The following CNTNAP2 variants were observed in gnomAD, a reference collection of about 807,000 sequenced individuals.
CNTNAP2 encodes the protein contactin-associated protein-like 2.
Under a neutral mutation model 155.2 loss-of-function variants are expected in CNTNAP2, and 98 were observed. The ratio of observed to expected loss-of-function variants is 0.63; its 90% CI spans 0.54 to 0.75. The LOEUF is 0.75. Among genes scored for constraint, CNTNAP2 ranks in the 30% least tolerant of loss-of-function variants. CNTNAP2 has a pLI of 0.00. For missense variants in CNTNAP2, 1,727 were observed against 1,688.1 expected (o/e 1.02, Z -0.40); for synonymous variants, 651 against 631.2 (o/e 1.03, Z -0.47).
chr7:147,066,771 G>A (rs1799786875), intron 4 of CNTNAP2, among the ~76,000 whole-genome samples: 1 of 152,298 alleles, frequency 6.6e-6, no homozygotes, highest in East Asian at 1.9e-4. Flanking sequence ...AAGACCACAT[G>A]TTAGACTGTC....
chr7:148,034,594 T>A lies in CNTNAP2; in HGVS notation c.2383+56605T>A, dbSNP rs552275660. The stretch of plus-strand genomic sequence containing the variant: ...TTTATAAATTACCCAGTCTCAGGTA[T>A]TCTGTTACAGCAGCACAAAACAGAC... On this transcript the variant is annotated intron_variant, in intron 15 of 23. Coordinates refer to ENST00000361727, the MANE Select transcript of CNTNAP2 (RefSeq NM_014141.6). 1.4e-4 allele frequency among the ~76,000 whole-genome samples: 22 copies of A among 152,328 alleles called. No individual in the cohort carries two copies. In the South Asian group the frequency reaches 2.3e-3, roughly 16 times the overall value.
At chr7:146,794,816 A>G (rs1193437120) in intron 2 of CNTNAP2, among the ~76,000 whole-genome samples, 2 of 152,232 alleles carry the variant, frequency 1.3e-5, no homozygotes, top group African/African-American at 4.8e-5. Flanking sequence ...AATCTACTCT[A>G]AACACCATTT....
chr7:147,512,118 G>A (rs1044874917), intron 11 of CNTNAP2, among the ~76,000 whole-genome samples: 1 of 151,962 alleles, frequency 6.6e-6, no homozygotes, highest in African/African-American at 2.4e-5. Context: ...ATACAGCATG[G>A]GATCCCACCT....
intron 1 of CNTNAP2, among the ~76,000 whole-genome samples, chr7:146,175,089 T>C (rs1341181853): frequency 6.6e-6 from 1 of 152,098 alleles, no homozygotes; most frequent in Non-Finnish European, 1.5e-5. Flanking sequence ...AGCTATCGGC[T>C]GAAACCAGCT....
At chr7:148,374,458 A>G (rs1243724613) in intron 21 of CNTNAP2, among the ~76,000 whole-genome samples, 1 of 152,140 alleles carries the variant, frequency 6.6e-6, no homozygotes, top group Admixed American at 6.5e-5. Flanking sequence ...CCTGCTGTCC[A>G]GAGTTAGTTT....
At chr7:148,294,715 A>G (rs904133102) in intron 21 of CNTNAP2, among the ~76,000 whole-genome samples, 2 of 152,206 alleles carry the variant, frequency 1.3e-5, no homozygotes, top group Non-Finnish European at 2.9e-5. Context: ...TTGTCCAGAC[A>G]TAAGAGAACA....
At chr7:146,652,714 C>T (rs374073793) in intron 1 of CNTNAP2, among the ~76,000 whole-genome samples, 29 of 152,070 alleles carry the variant, frequency 1.9e-4, no homozygotes, top group African/African-American at 7.0e-4. Flanking sequence ...TTTGAATTTT[C>T]AGACCAAATA....
chr7:147,612,257 T>C (rs1203462461), intron 12 of CNTNAP2, among the ~76,000 whole-genome samples: 5 of 152,284 alleles, frequency 3.3e-5, no homozygotes, highest in Middle Eastern at 6.8e-3. Context: ...TGTTAGTTTC[T>C]TTTATAAATC....
intron 1 of CNTNAP2, among the ~76,000 whole-genome samples, chr7:146,741,555 C>A (rs1420172411): frequency 6.6e-6 from 1 of 151,978 alleles, no homozygotes; most frequent in Non-Finnish European, 1.5e-5. Flanking sequence ...TTAGAAAGAC[C>A]AGAGCACAGA....
At chr7:146,380,688 ATTCT>A (rs1035839401) in intron 1 of CNTNAP2, among the ~76,000 whole-genome samples, 3 of 147,260 alleles carry the variant, frequency 2.0e-5, no homozygotes, top group African/African-American at 7.5e-5. Context: ...GGGACAAATT[ATTCT>A]TTGTTTGTAT....
intron 9 of CNTNAP2, among the ~76,000 whole-genome samples, chr7:147,307,355 C>T (rs944479974): frequency 3.9e-5 from 6 of 151,966 alleles, no homozygotes; most frequent in Admixed American, 3.3e-4. Context: ...GAGGCCGAGG[C>T]GGGCAGATCA....
intron 1 of CNTNAP2, among the ~76,000 whole-genome samples, chr7:146,380,215 C>T (rs1425858309): frequency 6.6e-6 from 1 of 152,140 alleles, no homozygotes; most frequent in Non-Finnish European, 1.5e-5. Flanking sequence ...GCAAAAAATA[C>T]ACTCAAATTG....
intron 1 of CNTNAP2, among the ~76,000 whole-genome samples, chr7:146,354,212 T>C (rs1794963511): frequency 1.3e-5 from 2 of 152,308 alleles, no homozygotes; most frequent in South Asian, 4.1e-4. Context: ...AAGCCACTTA[T>C]CCACTGTGAG....
chr7:148,396,638 C>T (rs974271040), intron 22 of CNTNAP2, among the ~76,000 whole-genome samples: 2 of 152,184 alleles, frequency 1.3e-5, no homozygotes, highest in Non-Finnish European at 2.9e-5. Flanking sequence ...CACATCACCA[C>T]ATGCTTTTCA....
At chr7:146,370,566 C>A (rs1795220707) in intron 1 of CNTNAP2, among the ~76,000 whole-genome samples, 1 of 152,016 alleles carries the variant, frequency 6.6e-6, no homozygotes, top group South Asian at 2.1e-4. Flanking sequence ...TTTGTCTATT[C>A]AGACACCAGC....
chr7:148,256,973 A>C (rs1178005749), intron 20 of CNTNAP2, among the ~76,000 whole-genome samples: 1 of 152,204 alleles, frequency 6.6e-6, no homozygotes, highest in East Asian at 1.9e-4. Flanking sequence ...GGTTTAGAGA[A>C]TAATTCCCAG....
chr7:146,665,500 G>C (rs1213466686), intron 1 of CNTNAP2, among the ~76,000 whole-genome samples: 2 of 151,188 alleles, frequency 1.3e-5, no homozygotes, highest in African/African-American at 4.9e-5. Context: ...GATACATTTC[G>C]GCTGGGTGCA....
At chr7:146,386,391 A>G (rs114179333) in intron 1 of CNTNAP2, among the ~76,000 whole-genome samples, 1 of 152,200 alleles carries the variant, frequency 6.6e-6, no homozygotes, top group African/African-American at 2.4e-5. Context: ...TTGTATTTGT[A>G]TTAATTTATT....
intron 13 of CNTNAP2, among the ~76,000 whole-genome samples, chr7:147,837,760 G>A (rs1798657198): frequency 1.3e-5 from 2 of 152,166 alleles, no homozygotes; most frequent in South Asian, 2.1e-4. Flanking sequence ...AATCCAGCAG[G>A]GCTGTCAAAT....
Sources: gnomAD v4.1 joint callset for allele counts (sites outside exome capture counted in the v4.1 genomes callset) on GRCh38, gnomAD v4.1.1 for gene constraint, MANE v1.5 for transcripts, NCBI Gene and HGNC (gene_info 2026-07-23, HGNC 2026-07-21) for gene names.